Variants in CNTNAP5 observed in about 807,000 individuals in gnomAD.
CNTNAP5 encodes contactin-associated protein-like 5.
A neutral mutation model predicts 150.2 loss-of-function variants in CNTNAP5; 72 were observed. That is an observed-to-expected ratio of 0.48 (90% CI 0.40 to 0.58). The LOEUF (loss-of-function observed/expected upper bound fraction) is 0.58. Ranked by LOEUF, CNTNAP5 falls within the 20% of genes least tolerant of loss-of-function variation. The pLI is 0.00. For missense variants in CNTNAP5, 1,636 were observed against 1,626.2 expected, an observed-to-expected ratio of 1.01 and a Z score of -0.10; for synonymous variants, 672 against 619.8, an observed-to-expected ratio of 1.08 and a Z score of -1.25.
intron 3 of CNTNAP5, among the ~76,000 whole-genome samples, chr2:124,290,766 G>A (rs1166949028): frequency 6.6e-6 from 1 of 152,034 alleles, no homozygotes; most frequent in Admixed American, 6.6e-5. Context: ...GTGTTTCATG[G>A]TCCTGAACTT....
At chr2:124,396,800 TCAA>T (rs927210281) in intron 3 of CNTNAP5, among the ~76,000 whole-genome samples, 1 of 152,176 alleles carries the variant, frequency 6.6e-6, no homozygotes. Context: ...TGCTAACCTG[TCAA>T]CAACAACAAT....
rs1479373658 is a variant in CNTNAP5 at position 124,042,551 on chromosome 2, C to T, written c.82+16819C>T. Reference sequence around the variant, plus strand: ...GGGTACATATCCTGGACTTGGGGTACGTATCCTGGACTAGGAACTGCAAAG... The same window carrying T: ...GGGTACATATCCTGGACTTGGGGTATGTATCCTGGACTAGGAACTGCAAAG... On this transcript the variant is annotated intron_variant, in intron 1 of 23. Coordinates refer to ENST00000682447, the MANE Select transcript of CNTNAP5 (RefSeq NM_001367498.1). 2.0e-5 allele frequency among the ~76,000 whole-genome samples: 3 copies of T among 152,062 alleles called. No individual in the cohort carries two copies. In the South Asian group the frequency reaches 6.2e-4, roughly 32 times the overall value.
At chr2:124,611,730 G>A (rs1173027655) in intron 12 of CNTNAP5, among the ~76,000 whole-genome samples, 1 of 152,132 alleles carries the variant, frequency 6.6e-6, no homozygotes, top group Non-Finnish European at 1.5e-5. Context: ...CAAAAAACAG[G>A]GAAAGTAATT....
At chr2:124,829,686 A>G (rs894873187) in intron 19 of CNTNAP5, among the ~76,000 whole-genome samples, 1 of 151,852 alleles carries the variant, frequency 6.6e-6, no homozygotes, top group African/African-American at 2.4e-5. Context: ...TTTCCTTTTT[A>G]GTATCCATAT....
intron 13 of CNTNAP5, among the ~76,000 whole-genome samples, chr2:124,652,768 C>T (rs554792656): frequency 2.0e-5 from 3 of 152,322 alleles, no homozygotes; most frequent in Non-Finnish European, 4.4e-5. Flanking sequence ...TCCCCCGCCA[C>T]TGGATTCCGT....
At chr2:124,801,902 A>C (rs943797865) in intron 19 of CNTNAP5, among the ~76,000 whole-genome samples, 15 of 152,192 alleles carry the variant, frequency 9.9e-5, no homozygotes, top group African/African-American at 3.6e-4. Context: ...TCAGAAAACC[A>C]CAGGGTTTAA....
chr2:124,862,515 G>C (rs1677547460), intron 19 of CNTNAP5, among the ~76,000 whole-genome samples: 1 of 152,192 alleles, frequency 6.6e-6, no homozygotes, highest in Non-Finnish European at 1.5e-5. Context: ...CAAGCCGAGG[G>C]GGTAGAGGAA....
intron 21 of CNTNAP5, among the ~76,000 whole-genome samples, chr2:124,873,890 C>T (rs1222443936): frequency 6.6e-6 from 1 of 152,014 alleles, no homozygotes; most frequent in Non-Finnish European, 1.5e-5. Context: ...AATAGCATTT[C>T]ATTGCAAAGC....
chr2:124,418,471 C>T (rs1304983943), intron 4 of CNTNAP5, among the ~76,000 whole-genome samples: 3 of 152,104 alleles, frequency 2.0e-5, no homozygotes, highest in African/African-American at 7.2e-5. Context: ...ATGCATTTCC[C>T]TCACCCCATC....
chr2:124,892,862 T>G (rs1444649983), intron 21 of CNTNAP5, among the ~76,000 whole-genome samples: 1 of 152,142 alleles, frequency 6.6e-6, no homozygotes, highest in Non-Finnish European at 1.5e-5. Flanking sequence ...ATGAAGGCGT[T>G]GAAGACTTTT....
chr2:124,327,980 T>A (rs1248058650), intron 3 of CNTNAP5, among the ~76,000 whole-genome samples: 2 of 152,268 alleles, frequency 1.3e-5, no homozygotes, highest in Admixed American at 1.3e-4. Flanking sequence ...TGAGTATTTT[T>A]ACGTTACAAA....
chr2:124,400,259 A>C (rs1195046748), intron 3 of CNTNAP5, among the ~76,000 whole-genome samples: 1 of 152,102 alleles, frequency 6.6e-6, no homozygotes, highest in East Asian at 1.9e-4. Flanking sequence ...ATAGGCAAGT[A>C]AATGAATATA....
chr2:124,272,519 CAG>C (rs1687785058), intron 3 of CNTNAP5, among the ~76,000 whole-genome samples: 1 of 152,106 alleles, frequency 6.6e-6, no homozygotes, highest in Non-Finnish European at 1.5e-5. Flanking sequence ...AGAAAAGAAA[CAG>C]AGAGACAACA....
chr2:124,147,725 C>A (rs922405090), intron 1 of CNTNAP5, among the ~76,000 whole-genome samples: 1 of 152,218 alleles, frequency 6.6e-6, no homozygotes, highest in Non-Finnish European at 1.5e-5. Flanking sequence ...CCTCCTGTCA[C>A]CAAGAGGCAA....
intron 10 of CNTNAP5, among the ~76,000 whole-genome samples, chr2:124,533,401 A>C (rs1695157169): frequency 6.6e-6 from 1 of 152,100 alleles, no homozygotes; most frequent in African/African-American, 2.4e-5. Context: ...ATTTCTAAGA[A>C]ATTCGTGTGT....
At chr2:124,584,535 G>T (rs189933575) in intron 11 of CNTNAP5, among the ~76,000 whole-genome samples, 90 of 152,234 alleles carry the variant, frequency 5.9e-4, no homozygotes, top group African/African-American at 2.1e-3. Context: ...CATGTGAACT[G>T]CACAAGCTAA....
At chr2:124,254,980 C>T (rs560115027) in intron 3 of CNTNAP5, among the ~76,000 whole-genome samples, 23 of 152,116 alleles carry the variant, frequency 1.5e-4, no homozygotes, top group Non-Finnish European at 2.4e-4. Flanking sequence ...TTTTGTTACG[C>T]GAAAGCTCAA....
Position 124,411,270 on chromosome 2 carries a change from T to A in CNTNAP5, c.382-6173T>A, listed in dbSNP as rs1243821161. Among the ~76,000 whole-genome samples, 13 of 152,256 alleles carry A rather than the reference T, an allele frequency of 8.5e-5. No homozygotes were observed. In the East Asian group the frequency reaches 2.5e-3, roughly 29 times the overall value. Reference sequence around the variant, plus strand: ...CAACCAAAAAGAGTCCAGGACCAGATGGATTCACAGCCAAATTCTATCAGA... The same window carrying A: ...CAACCAAAAAGAGTCCAGGACCAGAAGGATTCACAGCCAAATTCTATCAGA... On this transcript the variant is annotated intron_variant, in intron 3 of 23. Transcript: ENST00000682447.
chr2:124,370,519 G>A (rs1335398822), intron 3 of CNTNAP5, among the ~76,000 whole-genome samples: 1 of 152,128 alleles, frequency 6.6e-6, no homozygotes, highest in Non-Finnish European at 1.5e-5. Flanking sequence ...AGCAACTTTG[G>A]AGACCATGAT....
Sources: allele counts gnomAD v4.1 joint callset (sites outside exome capture counted in the v4.1 genomes callset), GRCh38; gene constraint gnomAD v4.1.1; transcripts MANE v1.5; gene names NCBI Gene and HGNC (gene_info 2026-07-23, HGNC 2026-07-21).